The following AOX1 variants were observed in gnomAD, a reference collection of about 807,000 sequenced individuals.
The protein encoded by AOX1 is aldehyde oxidase.
Under a neutral mutation model 169.5 loss-of-function variants are expected in AOX1, and 153 were observed. The observed-to-expected ratio is 0.90, with a 90% CI of 0.79 to 1.03. The LOEUF (loss-of-function observed/expected upper bound fraction) is 1.03. Among genes scored for constraint, AOX1 ranks in the 50% least tolerant of loss-of-function variants. AOX1 has a pLI of 0.00. For missense variants in AOX1, 1,656 were observed against 1,663.9 expected (o/e 1.00, Z 0.08); for synonymous variants, 562 against 581.9 (o/e 0.97, Z 0.49).
At chr2:200,640,315 T>C (rs1204125570) in intron 23 of AOX1, among the ~76,000 whole-genome samples, 2 of 152,114 alleles carry the variant, frequency 1.3e-5, no homozygotes, top group Non-Finnish European at 2.9e-5. Flanking sequence ...GATCCTTGAA[T>C]GGCTCAGTGC....
intron 5 of AOX1, among the ~76,000 whole-genome samples, chr2:200,601,895 C>T (rs939210173): frequency 6.6e-6 from 1 of 151,878 alleles, no homozygotes; most frequent in South Asian, 2.1e-4. Flanking sequence ...ACTGCACCAC[C>T]GCACCTGCAG....
chr2:200,658,918 C>T (rs2035749618), intron 27 of AOX1, among the ~76,000 whole-genome samples: 1 of 152,210 alleles, frequency 6.6e-6, no homozygotes, highest in South Asian at 2.1e-4. Context: ...CCTGGGGCCT[C>T]ACCTCCTCTT....
chr2:200,666,658 T>C (rs771937969), intron 31 of AOX1, 29 bp from the exon 32 acceptor site: 5 of 1,550,924 alleles, frequency 3.2e-6, no homozygotes, highest in Non-Finnish European at 4.4e-6. Flanking sequence ...CTCATTAAAA[T>C]AAACATTTTA....
intron 21 of AOX1, among the ~76,000 whole-genome samples, chr2:200,636,046 G>A (rs182758911): frequency 1.4e-5 from 2 of 141,786 alleles, no homozygotes; most frequent in Admixed American, 1.4e-4. Context: ...TGGCAGAAAA[G>A]AGTGAGATCT....
intron 31 of AOX1, 28 bp from the exon 32 acceptor site, chr2:200,666,659 A>G: frequency 6.5e-7 from 1 of 1,546,454 alleles, no homozygotes; most frequent in Non-Finnish European, 8.8e-7. Flanking sequence ...TCATTAAAAT[A>G]AACATTTTAA....
Position 200,670,667 on chromosome 2 carries a change from T to G in AOX1, c.4005T>G (p.Asn1335Lys). ...RDEPGSYVPW[N>K]VPI Reference sequence around the variant, plus strand: ...AACCTGGATCCTACGTTCCTTGGAATGTACCCATCTGAATCAAATGCAAAC... The same window carrying G: ...AACCTGGATCCTACGTTCCTTGGAAGGTACCCATCTGAATCAAATGCAAAC... The change falls in exon 35 of 35, where the codon AAT becomes AAG. Residue 1335 changes from asparagine to lysine, a missense_variant. Transcript: ENST00000374700. The G allele has an allele frequency of 6.2e-7, 1 of 1,612,696 alleles. No homozygotes were observed.
At position 200,607,345 on chromosome 2, in the gene AOX1, G is replaced by C. The variant is rs146454186; in HGVS notation, c.908-1639G>C. Among the ~76,000 whole-genome samples, 295 of 152,242 alleles carry C rather than the reference G, an allele frequency of 1.9e-3. 2 individuals are homozygous for C. The highest frequency in any genetic ancestry group is 3.7e-3 in the South Asian group (18 of 4,822). On this transcript the variant is annotated intron_variant, in intron 10 of 34. Transcript: ENST00000374700. ...CTGGGATGAAGCCAACTTGATCGTGGTGGATAAGCTTTTCGATGTGCTGCT... is the reference window on the plus strand; with the variant it reads ...CTGGGATGAAGCCAACTTGATCGTGCTGGATAAGCTTTTCGATGTGCTGCT...
intron 17 of AOX1, 96 bp from the exon 18 acceptor site, chr2:200,621,024 G>T (rs6761252): frequency 0.34 from 490,035 of 1,431,750 alleles, 85,820 homozygotes; most frequent in South Asian, 0.4. Flanking sequence ...AGAGACTGTT[G>T]GACAGTTCTT....
chr2:200,603,176 A>C, intron 6 of AOX1, 91 bp from the exon 7 acceptor site: 3 of 967,434 alleles, frequency 3.1e-6, no homozygotes, highest in Non-Finnish European at 4.9e-6. Context: ...ATATTGATTC[A>C]GCATTATGTT....
chr2:200,605,534 A>G lies in AOX1; in HGVS notation c.815-2A>G. On this transcript the variant is annotated splice_acceptor_variant, in intron 9 of 34. Coordinates refer to ENST00000374700, the MANE Select transcript of AOX1 (RefSeq NM_001159.4). LOFTEE classifies it high-confidence loss of function. ...GATTTTTTTTTTTTTTTGATCCTTT[A>G]GGGCCTGAAGTGAAATTTAAAGGCG... is the stretch of plus-strand genomic sequence containing the variant. 6.8e-7 allele frequency: 1 copy of G among 1,474,790 alleles called. No homozygotes were observed. Among genetic ancestry groups the G allele is most frequent in the Non-Finnish European group, 9.1e-7 (1 of 1,101,992 alleles). The allele number at this position is 1,474,790 out of a possible 1,614,324, so 91.4% of individuals were successfully genotyped here.
At chr2:200,673,693 G>T (rs922034274), downstream of AOX1, among the ~76,000 whole-genome samples, 1 of 152,164 alleles carries the variant, frequency 6.6e-6, no homozygotes, top group Non-Finnish European at 1.5e-5. Context: ...TTACACTCTT[G>T]CCTAAAACCC....
intron 32 of AOX1, among the ~76,000 whole-genome samples, chr2:200,667,513 A>T (rs546057306): frequency 8.1e-6 from 1 of 123,572 alleles, no homozygotes; most frequent in African/African-American, 3.1e-5. Flanking sequence ...TGTGGTGTGG[A>T]GAAGTCAAAG....
At chr2:200,641,254 T>C in intron 24 of AOX1, 70 bp downstream of exon 24, 1 of 1,051,242 alleles carries the variant, frequency 9.5e-7, no homozygotes, top group Non-Finnish European at 1.5e-6. Context: ...ACTTAGAAAA[T>C]GCCCAATAGT....
intron 21 of AOX1, 83 bp downstream of exon 21, chr2:200,634,998 T>A: frequency 6.5e-7 from 1 of 1,546,176 alleles, no homozygotes; most frequent in Middle Eastern, 1.7e-4. Context: ...GAGGTAAAAG[T>A]ATATTTGGGA....
chr2:200,613,597 T>C (rs1368749455), intron 14 of AOX1, among the ~76,000 whole-genome samples: 1 of 152,226 alleles, frequency 6.6e-6, no homozygotes, highest in Non-Finnish European at 1.5e-5. Flanking sequence ...AGTTGGGTTC[T>C]AATATTCCCC....
At chr2:200,654,886 T>C (rs2035651749) in intron 26 of AOX1, among the ~76,000 whole-genome samples, 1 of 152,206 alleles carries the variant, frequency 6.6e-6, no homozygotes, top group Non-Finnish European at 1.5e-5. Flanking sequence ...TAAACCAAAT[T>C]TGACATTTTA....
intron 20 of AOX1, among the ~76,000 whole-genome samples, chr2:200,630,251 G>A (rs568929478): frequency 2.0e-5 from 3 of 147,432 alleles, no homozygotes; most frequent in Non-Finnish European, 3.0e-5. Flanking sequence ...AGCTGGGCAC[G>A]GTGGCTCTTG....
intron 1 of AOX1, among the ~76,000 whole-genome samples, chr2:200,589,610 G>A (rs1404608614): frequency 6.9e-6 from 1 of 143,930 alleles, no homozygotes; most frequent in African/African-American, 2.5e-5. Context: ...ATAGAGAGAG[G>A]TTAGCAGGGT....
At chr2:200,614,272 T>G (rs1232838218) in intron 15 of AOX1, among the ~76,000 whole-genome samples, 1 of 152,216 alleles carries the variant, frequency 6.6e-6, no homozygotes, top group East Asian at 1.9e-4. Context: ...GTTTTCCCTC[T>G]GTATGTCATT....
Sources: allele counts gnomAD v4.1 joint callset (sites outside exome capture counted in the v4.1 genomes callset), GRCh38; gene constraint gnomAD v4.1.1; transcripts MANE v1.5; gene names NCBI Gene and HGNC (gene_info 2026-07-23, HGNC 2026-07-21).